The following ME3 variants were observed in gnomAD, a reference collection of about 807,000 sequenced individuals.
ME3 encodes the protein malic enzyme 3, also known as NADP-dependent malic enzyme, mitochondrial.
ME3 carries 48 observed loss-of-function variants against 68.9 expected under a neutral mutation model. The ratio of observed to expected loss-of-function variants is 0.70; its 90% CI spans 0.55 to 0.89. The LOEUF is 0.89. Among genes scored for constraint, ME3 ranks in the 40% least tolerant of loss-of-function variants. ME3 has a pLI of 0.00. For missense variants in ME3, 675 were observed against 797.4 expected (o/e 0.85, Z 1.85); for synonymous variants, 320 against 318.8 (o/e 1.00, Z -0.04).
chr11:86,616,927 G>A (rs1165872635), intron 2 of ME3, among the ~76,000 whole-genome samples: 1 of 151,382 alleles, frequency 6.6e-6, no homozygotes, highest in African/African-American at 2.4e-5. Context: ...TTTGATAAAT[G>A]TTAAATGATA....
At chr11:86,522,806 G>T (rs1200890808) in intron 4 of ME3, among the ~76,000 whole-genome samples, 1 of 152,128 alleles carries the variant, frequency 6.6e-6, no homozygotes, top group Non-Finnish European at 1.5e-5. Context: ...TTGGTTCCAA[G>T]TCTTGTAACA....
chr11:86,562,833 A>G (rs1265142193), intron 2 of ME3, among the ~76,000 whole-genome samples: 1 of 150,508 alleles, frequency 6.6e-6, no homozygotes, highest in Non-Finnish European at 1.5e-5. Context: ...TTCCTCCCCC[A>G]TCTAGTAGTC....
intron 7 of ME3, among the ~76,000 whole-genome samples, chr11:86,485,375 A>T (rs1248878629): frequency 1.3e-5 from 2 of 152,176 alleles, no homozygotes; most frequent in Non-Finnish European, 2.9e-5. Flanking sequence ...CTAGCACTGG[A>T]TGTGGTATTC....
chr11:86,475,860 T>TAC (rs1300448043), intron 7 of ME3, among the ~76,000 whole-genome samples: 1 of 111,250 alleles, frequency 9.0e-6, no homozygotes, highest in African/African-American at 4.0e-5. Context: ...AGTATATATA[T>TAC]ATATATATAT....
At chr11:86,472,522 T>C (rs1176629173) in intron 7 of ME3, among the ~76,000 whole-genome samples, 1 of 152,166 alleles carries the variant, frequency 6.6e-6, no homozygotes, top group Admixed American at 6.5e-5. Flanking sequence ...GGGTAAAATA[T>C]GTTAAGGAAG....
chr11:86,626,339 C>G (rs570824572), intron 2 of ME3, among the ~76,000 whole-genome samples: 1 of 152,248 alleles, frequency 6.6e-6, no homozygotes, highest in South Asian at 2.1e-4. Context: ...TGAGTGGCAC[C>G]CAGGGAATGC....
At chr11:86,572,705 G>T (rs1024633665) in intron 2 of ME3, among the ~76,000 whole-genome samples, 1 of 152,150 alleles carries the variant, frequency 6.6e-6, no homozygotes, top group African/African-American at 2.4e-5. Context: ...TTGGTTCCAT[G>T]CCTTTGCTAT....
chr11:86,637,743 A>T (rs1944427219), intron 2 of ME3, among the ~76,000 whole-genome samples: 1 of 152,094 alleles, frequency 6.6e-6, no homozygotes, highest in East Asian at 1.9e-4. Context: ...TACCAATTTC[A>T]TCTGGTAGAG....
chr11:86,662,302 TG>T (rs1946333380), intron 2 of ME3, among the ~76,000 whole-genome samples: 1 of 152,232 alleles, frequency 6.6e-6, no homozygotes, highest in Non-Finnish European at 1.5e-5. Flanking sequence ...GCTAACCTTA[TG>T]CCTCGGTTTT....
intron 4 of ME3, among the ~76,000 whole-genome samples, chr11:86,512,152 G>A (rs1352863306): frequency 3.3e-5 from 5 of 152,146 alleles, no homozygotes; most frequent in Non-Finnish European, 7.4e-5. Flanking sequence ...TCTGTACAGT[G>A]GGCAAGAAGA....
chr11:86,656,769 G>A (rs556181304), intron 2 of ME3, among the ~76,000 whole-genome samples: 3 of 150,842 alleles, frequency 2.0e-5, no homozygotes, highest in African/African-American at 7.3e-5. Context: ...ATTTACAAGA[G>A]AAAAGCAAAT....
chr11:86,451,845 A>T (rs758559806), intron 8 of ME3, among the ~76,000 whole-genome samples: 4 of 152,242 alleles, frequency 2.6e-5, no homozygotes, highest in Non-Finnish European at 5.9e-5. Context: ...ACAGTAAAAG[A>T]TGGGCAGCAA....
chr11:86,591,607 T>A lies in ME3; in HGVS notation c.184-31784A>T, dbSNP rs564181599. ...TATTACTCTGTTCTCATGCTGCTAA[T>A]AAAGATATACCCAAGACTGGGCAAT... On this transcript the variant is annotated intron_variant, in intron 2 of 14. Transcript: ENST00000543262. Among the ~76,000 whole-genome samples the A allele has an allele frequency of 2.0e-5, 3 of 152,300 alleles. No homozygotes were observed. The South Asian group carries it at 6.2e-4, about 32-fold the overall frequency.
At chr11:86,546,462 T>C (rs1956364348) in intron 4 of ME3, among the ~76,000 whole-genome samples, 1 of 152,074 alleles carries the variant, frequency 6.6e-6, no homozygotes, top group African/African-American at 2.4e-5. Flanking sequence ...CTTAAACAAA[T>C]TTACAAGAAA....
At position 86,595,130 on chromosome 11, in the gene ME3, A is replaced by G. The variant is rs966956888; in HGVS notation, c.184-35307T>C. On this transcript the variant is annotated intron_variant, in intron 2 of 14. Transcript: ENST00000543262. ...TTGAGGACTTTGACAAGGGCTAATA[A>G]TAAGAAAAAGGGGATAAGCATATGT... 7.6e-5 allele frequency among the ~76,000 whole-genome samples: 11 copies of G among 145,608 alleles called. 1 individual carries two copies. Among genetic ancestry groups the G allele is most frequent in the African/African-American group, 2.8e-4 (11 of 39,360 alleles).
intron 2 of ME3, among the ~76,000 whole-genome samples, chr11:86,570,732 T>G (rs900036861): frequency 7.2e-5 from 11 of 152,186 alleles, no homozygotes; most frequent in Non-Finnish European, 1.6e-4. Context: ...TGGGCTCTGG[T>G]GCCATGGGCT....
chr11:86,505,905 C>T (rs1953040539), intron 5 of ME3, among the ~76,000 whole-genome samples: 1 of 152,194 alleles, frequency 6.6e-6, no homozygotes, highest in South Asian at 2.1e-4. Context: ...TGCGGTACCA[C>T]AGGGTGGGTG....
chr11:86,657,979 T>C (rs139106532), intron 2 of ME3, among the ~76,000 whole-genome samples: 1 of 152,234 alleles, frequency 6.6e-6, no homozygotes, highest in African/African-American at 2.4e-5. Context: ...TAATGTAAGA[T>C]GAATAGCTCT....
chr11:86,440,346 C>T (rs1333129368), downstream of ME3, among the ~76,000 whole-genome samples: 1 of 152,168 alleles, frequency 6.6e-6, no homozygotes, highest in Non-Finnish European at 1.5e-5. Context: ...TGAAGGCTAG[C>T]ACTGAACTTG....
Sources: allele counts gnomAD v4.1 joint callset (sites outside exome capture counted in the v4.1 genomes callset), GRCh38; gene constraint gnomAD v4.1.1; transcripts MANE v1.5; gene names NCBI Gene and HGNC (gene_info 2026-07-23, HGNC 2026-07-21).